Variants in CADM2 observed in about 807,000 individuals in gnomAD.
CADM2 encodes the protein cell adhesion molecule 2.
In CADM2, 12 loss-of-function variants were observed where a neutral mutation model predicts 49.8. The observed-to-expected ratio is 0.24, with a 90% CI of 0.15 to 0.39. The LOEUF (loss-of-function observed/expected upper bound fraction) is 0.39. Among genes scored for constraint, CADM2 ranks in the 10% least tolerant of loss-of-function variants. The pLI is 1.00. For missense variants in CADM2, 378 were observed against 492.3 expected (o/e 0.77, Z 2.20); for synonymous variants, 214 against 175.4 (o/e 1.22, Z -1.74).
intron 1 of CADM2, among the ~76,000 whole-genome samples, chr3:85,172,862 GATA>G (rs1421529038): frequency 1.4e-5 from 2 of 143,832 alleles, no homozygotes; most frequent in African/African-American, 5.1e-5. Flanking sequence ...AAATATATGT[GATA>G]ATGTTATATA....
intron 1 of CADM2, among the ~76,000 whole-genome samples, chr3:85,585,406 G>GTA (rs1008407751): frequency 8.6e-5 from 13 of 151,548 alleles, no homozygotes; most frequent in Admixed American, 2.6e-4. Context: ...ACATATATAT[G>GTA]TATATATATA....
chr3:85,611,261 C>A (rs1368135870), intron 1 of CADM2, among the ~76,000 whole-genome samples: 1 of 141,724 alleles, frequency 7.1e-6, no homozygotes, highest in Admixed American at 7.2e-5. Context: ...TTTTTTTTTT[C>A]TGTGAAAGCA....
At chr3:85,349,884 G>A (rs925202401) in intron 1 of CADM2, among the ~76,000 whole-genome samples, 6 of 152,144 alleles carry the variant, frequency 3.9e-5, no homozygotes, top group Admixed American at 3.9e-4. Context: ...TGCCACAACC[G>A]TTCAGGATTG....
chr3:85,677,223 A>G (rs1577067980), intron 1 of CADM2, among the ~76,000 whole-genome samples: 1 of 144,176 alleles, frequency 6.9e-6, no homozygotes, highest in Non-Finnish European at 1.5e-5. Flanking sequence ...TTTTAGGATT[A>G]ATTGTCATTC....
intron 3 of CADM2, among the ~76,000 whole-genome samples, chr3:85,871,187 A>G (rs2075913130): frequency 6.6e-6 from 1 of 152,162 alleles, no homozygotes; most frequent in Middle Eastern, 3.2e-3. Context: ...TTAAATTTAC[A>G]TGAATAAACA....
intron 2 of CADM2, among the ~76,000 whole-genome samples, chr3:85,777,142 G>T (rs1436326443): frequency 6.6e-6 from 1 of 151,426 alleles, no homozygotes; most frequent in East Asian, 1.9e-4. Flanking sequence ...TTTTCATTTT[G>T]TATTTCAGCA....
At chr3:85,877,691 T>G (rs1259215553) in intron 3 of CADM2, among the ~76,000 whole-genome samples, 9 of 146,828 alleles carry the variant, frequency 6.1e-5, no homozygotes. Flanking sequence ...TCTGTTTTTT[T>G]TTTTTTTTTT....
chr3:85,190,762 G>A (rs2041189377), intron 1 of CADM2, among the ~76,000 whole-genome samples: 1 of 152,104 alleles, frequency 6.6e-6, no homozygotes, highest in Non-Finnish European at 1.5e-5. Context: ...TCCTCAACTT[G>A]TAGAATGTAG....
At chr3:85,890,576 C>T (rs1358316735) in intron 5 of CADM2, among the ~76,000 whole-genome samples, 2 of 152,042 alleles carry the variant, frequency 1.3e-5, no homozygotes, top group East Asian at 3.9e-4. Context: ...AAGGAATTTC[C>T]TTGTCAGTAA....
chr3:85,314,079 G>A (rs1171063881), intron 1 of CADM2, among the ~76,000 whole-genome samples: 2 of 151,976 alleles, frequency 1.3e-5, no homozygotes, highest in Non-Finnish European at 2.9e-5. Flanking sequence ...TAGTAGAGAC[G>A]GAGTTTCACC....
chr3:85,543,136 G>T (rs2107055112), intron 1 of CADM2, among the ~76,000 whole-genome samples: 1 of 152,168 alleles, frequency 6.6e-6, no homozygotes, highest in African/African-American at 2.4e-5. Context: ...AGATGTCCTG[G>T]TTTTCTCCCT....
In CADM2 at chr3:85,260,674, G is replaced by A. The variant is rs73845421; in HGVS notation, c.61+301006G>A. On this transcript the variant is annotated intron_variant, in intron 1 of 9. Transcript: ENST00000383699. ...TGGGCTGCACCTAGTAAAAATAATC[G>A]CAGATTATTTGCAATTTCTACTACA... Among the ~76,000 whole-genome samples, 742 of 152,118 alleles carry A rather than the reference G, an allele frequency of 4.9e-3. 9 individuals carry two copies. Among genetic ancestry groups the A allele is most frequent in the African/African-American group, 0.017 (704 of 41,522 alleles).
intron 8 of CADM2, among the ~76,000 whole-genome samples, chr3:86,058,520 G>T (rs180777734): frequency 5.9e-5 from 9 of 152,152 alleles, no homozygotes; most frequent in Non-Finnish European, 1.0e-4. Context: ...ATGGTTTAAG[G>T]CTTGGTGTAA....
chr3:85,086,012 A>C (rs182000399), intron 1 of CADM2, among the ~76,000 whole-genome samples: 153 of 152,282 alleles, frequency 1.0e-3, no homozygotes, highest in Non-Finnish European at 2.0e-3. Flanking sequence ...TTTTTGAAAA[A>C]TTACGAAGAT....
intron 1 of CADM2, among the ~76,000 whole-genome samples, chr3:85,586,863 G>A (rs1255662763): frequency 6.6e-6 from 1 of 152,018 alleles, no homozygotes; most frequent in African/African-American, 2.4e-5. Flanking sequence ...CCACATTCTA[G>A]TGAGTAGGCC....
intron 1 of CADM2, among the ~76,000 whole-genome samples, chr3:85,454,485 G>A (rs954420928): frequency 1.3e-5 from 2 of 152,036 alleles, no homozygotes; most frequent in Non-Finnish European, 2.9e-5. Flanking sequence ...AACAAAAATC[G>A]AAAGCTATTA....
chr3:85,298,875 C>A (rs1398458520), intron 1 of CADM2, among the ~76,000 whole-genome samples: 2 of 151,990 alleles, frequency 1.3e-5, no homozygotes, highest in Non-Finnish European at 2.9e-5. Flanking sequence ...GAAAGGACAT[C>A]TTTAAGGTAA....
intron 1 of CADM2, among the ~76,000 whole-genome samples, chr3:85,568,443 CTTT>C (rs2062350603): frequency 2.9e-5 from 1 of 34,860 alleles, no homozygotes; most frequent in African/African-American, 9.5e-5. Context: ...TTCTTTCTTT[CTTT>C]CTTTCTTTCT....
intron 3 of CADM2, among the ~76,000 whole-genome samples, chr3:85,837,702 A>G (rs916206535): frequency 2.0e-5 from 3 of 151,782 alleles, no homozygotes; most frequent in Non-Finnish European, 4.4e-5. Context: ...CAAACAATAT[A>G]CTGCTTAAAA....
Sources: gnomAD v4.1 joint callset for allele counts (sites outside exome capture counted in the v4.1 genomes callset) on GRCh38, gnomAD v4.1.1 for gene constraint, MANE v1.5 for transcripts, NCBI Gene and HGNC (gene_info 2026-07-23, HGNC 2026-07-21) for gene names.